NACC1: variants seen among roughly 807,000 people sequenced by gnomAD.
The protein encoded by NACC1 is nucleus accumbens-associated protein 1.
Under a neutral mutation model 41.7 loss-of-function variants are expected in NACC1, and 6 were observed. That is an observed-to-expected ratio of 0.14 (90% CI 0.08 to 0.28). The LOEUF (loss-of-function observed/expected upper bound fraction) is 0.28, where lower values mean the gene tolerates loss of function less well. NACC1 is among the 10% of genes least tolerant of loss of function. The probability of loss-of-function intolerance (pLI) is 1.00; values close to 1 mark genes in which losing one functional copy is unlikely to be tolerated. For synonymous variants in NACC1, 338 were observed against 330.6 expected, an observed-to-expected ratio of 1.02 and a Z score of -0.24; for missense variants, 434 against 763.7, an observed-to-expected ratio of 0.57 and a Z score of 5.09.
intron 1 of NACC1, among the ~76,000 whole-genome samples, chr19:13,119,498 G>C (rs1444164954): frequency 6.6e-6 from 1 of 152,078 alleles, no homozygotes; most frequent in Non-Finnish European, 1.5e-5. Context: ...GGGTATTTTA[G>C]GATCCTGCAT....
At chr19:13,133,649 C>A (rs1599995781) in intron 1 of NACC1, among the ~76,000 whole-genome samples, 1 of 152,040 alleles carries the variant, frequency 6.6e-6, no homozygotes, top group Non-Finnish European at 1.5e-5. Context: ...ATGGACTGAC[C>A]ATGTTTAGTT....
chr19:13,130,005 T>C (rs1733344475), intron 1 of NACC1, among the ~76,000 whole-genome samples: 1 of 152,022 alleles, frequency 6.6e-6, no homozygotes, highest in Non-Finnish European at 1.5e-5. Flanking sequence ...CTGTTTTGTT[T>C]GTTTGTTTGG....
In NACC1 at chr19:13,136,548, T is replaced by C; in HGVS notation, c.1120+143T>C. 1.0e-6 allele frequency: 1 copy of C among 992,950 alleles called. No homozygotes were observed. Among genetic ancestry groups the C allele is most frequent in the Non-Finnish European group, 1.4e-6 (1 of 699,976 alleles). The allele number at this position is 992,950 out of a possible 1,614,324, so 61.5% of individuals were successfully genotyped here. A position where few individuals can be genotyped will look rare whatever the true frequency, so the allele number is the denominator to read the frequency against. ...GTGTTGGTAACAGCCACCCTAAGGG[T>C]GGGGGCGTTGGTGAGATGGAGGAGC... On this transcript the variant is annotated intron_variant, in intron 3 of 5. Transcript: ENST00000292431. The surrounding 1 kb of genome is among the most constrained non-coding windows in gnomAD (Gnocchi z 5.5).
At position 13,118,731 on chromosome 19, in the gene NACC1, G is replaced by C. The variant is rs2019444302; in HGVS notation, c.-9+277G>C. ...GCCAGGTCGGGCCGGGGCAGGTACC[G>C]GGGATCCGGGGAAGTTGGAGGGTCC... On this transcript the variant is annotated intron_variant, in intron 1 of 5. Coordinates refer to ENST00000292431, the MANE Select transcript of NACC1 (RefSeq NM_052876.4). Among the ~76,000 whole-genome samples the C allele has an allele frequency of 1.3e-5, 2 of 151,384 alleles. 1 individual carries two copies. The highest frequency in any genetic ancestry group is 4.2e-4 in the South Asian group (2 of 4,784).
chr19:13,138,152 T>G lies in NACC1; in HGVS notation c.1330T>G (p.Cys444Gly). The change falls in exon 6 of 6, where the codon TGC (cysteine) becomes GGC (glycine). Residue 444 changes from cysteine (C) to glycine (G), a missense_variant. Transcript: ENST00000292431. The surrounding 1 kb of genome is among the most constrained non-coding windows in gnomAD (Gnocchi z 5.7). Reference sequence around the variant, plus strand: ...GCACCCACCCTGCCCCACAGACTACTGCCAGAACTTCGCCCCCAACTTCAA... The same window carrying G: ...GCACCCACCCTGCCCCACAGACTACGGCCAGAACTTCGCCCCCAACTTCAA... Reference protein sequence around the residue: ...SRVLHAVKYYCQNFAPNFKES... With the variant: ...SRVLHAVKYYGQNFAPNFKES... The G allele has an allele frequency of 6.2e-7, 1 of 1,613,606 alleles. No homozygotes were observed. The highest frequency in any genetic ancestry group is 8.5e-7 in the Non-Finnish European group (1 of 1,179,556).
intron 1 of NACC1, among the ~76,000 whole-genome samples, chr19:13,126,013 A>G (rs1233226732): frequency 6.6e-6 from 1 of 150,890 alleles, no homozygotes; most frequent in Non-Finnish European, 1.5e-5. Context: ...CTGAGATTAC[A>G]GGCGTGAACC....
chr19:13,137,709 G>A lies in NACC1; in HGVS notation c.1324+134G>A. The A allele has an allele frequency of 1.3e-6, 1 of 750,046 alleles. No homozygotes were observed. Among genetic ancestry groups the A allele is most frequent in the South Asian group, 1.8e-5 (1 of 54,214 alleles). 46.5% of individuals were successfully genotyped at this position (750,046 alleles called of 1,614,324 possible). A position where few individuals can be genotyped will look rare whatever the true frequency, so the allele number is the denominator to read the frequency against. ...CTGGGGCTCATTCTAGCCTTGCTGG[G>A]AAACCGGCTGTGATTGCTTAGAGAT... On this transcript the variant is annotated intron_variant, in intron 5 of 5. Coordinates refer to ENST00000292431, the MANE Select transcript of NACC1 (RefSeq NM_052876.4). The surrounding 1 kb of genome is among the most constrained non-coding windows in gnomAD (Gnocchi z 6.1).
rs1196492358 is a variant in NACC1 at position 13,140,107 on chromosome 19, T to A, written c.*1701T>A. Reference sequence around the variant, plus strand: ...ACTGGGGGTCCCTCTTAACATCTGCTTGTTGCGGGGGTCAGTCATGAGTGC... The same window carrying A: ...ACTGGGGGTCCCTCTTAACATCTGCATGTTGCGGGGGTCAGTCATGAGTGC... On this transcript the variant is annotated 3_prime_UTR_variant, in exon 6 of 6. Coordinates refer to ENST00000292431, the MANE Select transcript of NACC1 (RefSeq NM_052876.4). This position sits in a 1 kb window ranked among gnomAD's most constrained non-coding sequence, Gnocchi z 4.0. The A allele has an allele frequency of 6.6e-6, 1 of 152,664 alleles. No homozygotes were observed. Among genetic ancestry groups the A allele is most frequent in the East Asian group, 1.9e-4 (1 of 5,180 alleles). The allele number at this position is 152,664 out of a possible 1,614,324, so 9.5% of individuals were successfully genotyped here.
chr19:13,133,294 G>A (rs79858766), intron 1 of NACC1, among the ~76,000 whole-genome samples: 2,898 of 151,894 alleles, frequency 0.019, 47 homozygotes, highest in Middle Eastern at 0.037. Context: ...GAGGCCGGGC[G>A]TGATAGCTCA....
At position 13,139,359 on chromosome 19, in the gene NACC1, G is replaced by A. The variant is rs551081497; in HGVS notation, c.*953G>A. ...ATAATTTTTAAAACCTTTTTTTAGC[G>A]AATGAAATATTGAAGTATAAGATTC... On this transcript the variant is annotated 3_prime_UTR_variant, in exon 6 of 6. Transcript: ENST00000292431. 2.6e-5 allele frequency: 4 copies of A among 152,040 alleles called. No homozygotes were observed. Among genetic ancestry groups the A allele is most frequent in the East Asian group, 3.9e-4 (2 of 5,172 alleles). 9.4% of individuals were successfully genotyped at this position (152,040 alleles called of 1,614,324 possible).
intron 1 of NACC1, among the ~76,000 whole-genome samples, chr19:13,126,615 G>A (rs766822384): frequency 9.2e-5 from 14 of 152,046 alleles, no homozygotes; most frequent in Non-Finnish European, 1.5e-4. Context: ...AGGATCCACC[G>A]GCAGTGTGAG....
intron 1 of NACC1, among the ~76,000 whole-genome samples, chr19:13,126,882 C>G (rs1036686707): frequency 6.6e-6 from 1 of 152,030 alleles, no homozygotes; most frequent in African/African-American, 2.4e-5. Flanking sequence ...GTAGAGGACA[C>G]AACAGGGATC....
At chr19:13,128,404 T>G (rs1374732300) in intron 1 of NACC1, among the ~76,000 whole-genome samples, 1 of 152,196 alleles carries the variant, frequency 6.6e-6, no homozygotes, top group Admixed American at 6.5e-5. Context: ...GACAGCTGCC[T>G]TCTTAATACC....
chr19:13,119,911 C>G (rs532235055), intron 1 of NACC1, among the ~76,000 whole-genome samples: 3 of 152,132 alleles, frequency 2.0e-5, no homozygotes, highest in Non-Finnish European at 4.4e-5. Flanking sequence ...AGCTGAGGCT[C>G]GGGGTGGTGT....
intron 1 of NACC1, among the ~76,000 whole-genome samples, 184 bp downstream of exon 1, chr19:13,118,638 G>A (rs946873839): frequency 1.3e-5 from 2 of 151,712 alleles, no homozygotes; most frequent in Non-Finnish European, 2.9e-5. Flanking sequence ...CGTCCAGCCC[G>A]AGCTTCAGGG....
At position 13,136,420 on chromosome 19, in the gene NACC1, C is replaced by T. The variant is rs576602225; in HGVS notation, c.1120+15C>T. 1 of 1,601,290 alleles carries T rather than the reference C, an allele frequency of 6.2e-7. No individual in the cohort carries two copies. The highest frequency in any genetic ancestry group is 1.7e-5 in the Admixed American group (1 of 59,120). On this transcript the variant is annotated intron_variant, in intron 3 of 5. Transcript: ENST00000292431. The surrounding 1 kb of genome is among the most constrained non-coding windows in gnomAD (Gnocchi z 5.5). ...GCTGGTGACAGGTGGGCCGGTCTCG[C>T]CCCAGATCTCTCCCCTCCGCAGCTT...
At chr19:13,125,925 T>G (rs1244803711) in intron 1 of NACC1, among the ~76,000 whole-genome samples, 2 of 151,362 alleles carry the variant, frequency 1.3e-5, no homozygotes, top group Admixed American at 6.6e-5. Flanking sequence ...TTAGTAGAGA[T>G]GGGGTTTCAC....
chr19:13,134,550 T>G (rs1021779459), intron 1 of NACC1, among the ~76,000 whole-genome samples: 4 of 152,120 alleles, frequency 2.6e-5, no homozygotes, highest in African/African-American at 7.2e-5. Context: ...TTTGTATTTT[T>G]GGTAGACAGG....
At chr19:13,119,041 C>T (rs1336316295) in intron 1 of NACC1, among the ~76,000 whole-genome samples, 1 of 137,972 alleles carries the variant, frequency 7.2e-6, no homozygotes, top group Non-Finnish European at 1.5e-5. Context: ...GAGATGTTTT[C>T]CGGGGGTCAC....
Sources: allele counts gnomAD v4.1 joint callset (sites outside exome capture counted in the v4.1 genomes callset), GRCh38; gene constraint gnomAD v4.1.1; non-coding constraint Gnocchi (gnomAD v3.1); transcripts MANE v1.5; gene names NCBI Gene and HGNC (gene_info 2026-07-23, HGNC 2026-07-21).